Variants in KCNH7 observed in about 807,000 individuals in gnomAD.
The protein encoded by KCNH7 is voltage-gated inwardly rectifying potassium channel KCNH7.
In KCNH7, 49 loss-of-function variants were observed where a neutral mutation model predicts 120.8. That is an observed-to-expected ratio of 0.41 (90% CI 0.32 to 0.51). The LOEUF is 0.51. Ranked by LOEUF, KCNH7 falls within the 20% of genes least tolerant of loss-of-function variation. The probability of loss-of-function intolerance (pLI) is 0.38; values close to 1 mark genes in which losing one functional copy is unlikely to be tolerated. For synonymous variants in KCNH7, 547 were observed against 516.1 expected, an observed-to-expected ratio of 1.06 and a Z score of -0.81; for missense variants, 1,097 against 1,446.6, an observed-to-expected ratio of 0.76 and a Z score of 3.92.
intron 2 of KCNH7, among the ~76,000 whole-genome samples, chr2:162,545,757 T>G: frequency 6.6e-6 from 1 of 152,188 alleles, no homozygotes; most frequent in Admixed American, 6.5e-5. Context: ...ATAAAAGACC[T>G]AATTCAATAC....
intron 2 of KCNH7, among the ~76,000 whole-genome samples, chr2:162,601,745 G>T (rs746743142): frequency 2.6e-5 from 4 of 151,916 alleles, no homozygotes; most frequent in African/African-American, 7.2e-5. Context: ...GAGTTCAGAT[G>T]CTCCCTTTCA....
chr2:162,800,904 T>G (rs1684317557), intron 2 of KCNH7, among the ~76,000 whole-genome samples: 1 of 151,834 alleles, frequency 6.6e-6, no homozygotes, highest in African/African-American at 2.4e-5. Context: ...TGTCAAGGGG[T>G]AGTATTTAGA....
chr2:162,554,909 C>A (rs1692806209), intron 2 of KCNH7, among the ~76,000 whole-genome samples: 1 of 152,208 alleles, frequency 6.6e-6, no homozygotes, highest in African/African-American at 2.4e-5. Flanking sequence ...CAGCCTACCA[C>A]ATGGAATAGC....
chr2:162,538,275 T>C (rs1692179979), intron 2 of KCNH7, among the ~76,000 whole-genome samples: 2 of 152,038 alleles, frequency 1.3e-5, no homozygotes, highest in African/African-American at 4.8e-5. Context: ...TTAGTGTATT[T>C]TATGTGTGGC....
chr2:162,511,664 C>T (rs905236540), intron 5 of KCNH7, among the ~76,000 whole-genome samples: 16 of 151,544 alleles, frequency 1.1e-4, no homozygotes, highest in Non-Finnish European at 1.8e-4. Flanking sequence ...TTTTTGCTCC[C>T]TAGCGCTATT....
chr2:162,442,653 T>C (rs1471860113), intron 7 of KCNH7, among the ~76,000 whole-genome samples: 2 of 151,462 alleles, frequency 1.3e-5, no homozygotes, highest in Non-Finnish European at 1.5e-5. Flanking sequence ...GAGCTCAGAG[T>C]TCAAGATCAG....
intron 2 of KCNH7, among the ~76,000 whole-genome samples, chr2:162,538,342 T>C (rs1692183221): frequency 6.6e-6 from 1 of 152,026 alleles, no homozygotes; most frequent in African/African-American, 2.4e-5. Flanking sequence ...CCCCCCTGAT[T>C]TAGGAAATGT....
chr2:162,382,881 A>G (rs1686461416), intron 13 of KCNH7, among the ~76,000 whole-genome samples: 1 of 152,050 alleles, frequency 6.6e-6, no homozygotes, highest in African/African-American at 2.4e-5. Context: ...GATTGAAGCT[A>G]TATGATATCA....
At chr2:162,611,583 G>A (rs1682963995) in intron 2 of KCNH7, among the ~76,000 whole-genome samples, 1 of 152,176 alleles carries the variant, frequency 6.6e-6, no homozygotes, top group Non-Finnish European at 1.5e-5. Flanking sequence ...GAACTGAATG[G>A]ATTAGGTGTT....
At chr2:162,674,427 A>C (rs1685467157) in intron 2 of KCNH7, among the ~76,000 whole-genome samples, 1 of 151,880 alleles carries the variant, frequency 6.6e-6, no homozygotes, top group Non-Finnish European at 1.5e-5. Context: ...TTCTTCCTAA[A>C]TTGAACCACA....
chr2:162,626,394 G>T (rs1683559677), intron 2 of KCNH7, among the ~76,000 whole-genome samples: 1 of 152,030 alleles, frequency 6.6e-6, no homozygotes, highest in South Asian at 2.1e-4. Flanking sequence ...ACAAATTTTT[G>T]AAAATGGAAG....
chr2:162,744,580 T>G (rs2105416955), intron 2 of KCNH7, among the ~76,000 whole-genome samples: 1 of 149,256 alleles, frequency 6.7e-6, no homozygotes, highest in Admixed American at 6.7e-5. Flanking sequence ...TTTTTTTTTT[T>G]TTTTTTTTTT....
intron 2 of KCNH7, among the ~76,000 whole-genome samples, chr2:162,667,018 C>CTTTTT (rs34213467): frequency 8.1e-5 from 10 of 124,212 alleles, no homozygotes; most frequent in South Asian, 2.6e-4. Context: ...TTTTCTTTTT[C>CTTTTT]TTTTTTTTTT....
intron 6 of KCNH7, among the ~76,000 whole-genome samples, chr2:162,492,879 T>G (rs1287454196): frequency 7.2e-6 from 1 of 139,530 alleles, no homozygotes; most frequent in South Asian, 2.2e-4. Context: ...TTTTTTTTTT[T>G]TTTTTTTTTT....
intron 2 of KCNH7, among the ~76,000 whole-genome samples, chr2:162,609,305 C>T (rs1330018625): frequency 6.6e-6 from 1 of 152,164 alleles, no homozygotes; most frequent in East Asian, 1.9e-4. Flanking sequence ...TTTAACTTTT[C>T]TTGCATGGAG....
rs183734068 is a variant in KCNH7, at chr2:162,455,922, G to A, written c.1129-9479C>T. Among the ~76,000 whole-genome samples the A allele has an allele frequency of 6.2e-3, 945 of 151,884 alleles. 6 individuals carry two copies. Among genetic ancestry groups the A allele is most frequent in the Non-Finnish European group, 9.0e-3 (611 of 67,940 alleles). The stretch of plus-strand genomic sequence containing the variant: ...TCATTGATTTTTTGAAGGGTTTTTC[G>A]TGTCTCGATCTCCTTCAGTTCTGTT... On this transcript the variant is annotated intron_variant, in intron 6 of 15. Coordinates refer to ENST00000332142, the MANE Select transcript of KCNH7 (RefSeq NM_033272.4).
intron 2 of KCNH7, among the ~76,000 whole-genome samples, chr2:162,605,702 A>G (rs1048535252): frequency 6.6e-6 from 1 of 152,184 alleles, no homozygotes; most frequent in Non-Finnish European, 1.5e-5. Context: ...TTCCACAACT[A>G]TCATTTCGCT....
rs571114260 is a variant in KCNH7, at chr2:162,598,231, A to G, written c.308-61151T>C. Among the ~76,000 whole-genome samples, 4 of 152,232 alleles carry G rather than the reference A, an allele frequency of 2.6e-5. No homozygotes were observed. The East Asian group carries it at 7.8e-4, about 30-fold the overall frequency. ...TTTGAATAATTGATTTTCAATGCCTATGAAGTTAATGTGGATGTTACCATC... is the reference window on the plus strand; with the variant it reads ...TTTGAATAATTGATTTTCAATGCCTGTGAAGTTAATGTGGATGTTACCATC... On this transcript the variant is annotated intron_variant, in intron 2 of 15. Transcript: ENST00000332142.
At chr2:162,706,454 C>T (rs1686705142) in intron 2 of KCNH7, among the ~76,000 whole-genome samples, 1 of 151,978 alleles carries the variant, frequency 6.6e-6, no homozygotes, top group African/African-American at 2.4e-5. Context: ...ACCTTATTTT[C>T]CCTATTTTAC....
Sources: gnomAD v4.1 joint callset for allele counts (sites outside exome capture counted in the v4.1 genomes callset) on GRCh38, gnomAD v4.1.1 for gene constraint, MANE v1.5 for transcripts, NCBI Gene and HGNC (gene_info 2026-07-23, HGNC 2026-07-21) for gene names.